Variants in VKORC1L1 observed in about 807,000 individuals in gnomAD.
VKORC1L1 encodes the protein vitamin K epoxide reductase complex subunit 1-like protein 1.
VKORC1L1 carries 2 observed loss-of-function variants against 18.9 expected under a neutral mutation model. The observed-to-expected ratio is 0.11, with a 90% CI of 0.04 to 0.33. The LOEUF is 0.33. Ranked by LOEUF, VKORC1L1 falls within the 10% of genes least tolerant of loss-of-function variation. The pLI is 1.00. For missense variants in VKORC1L1, 123 were observed against 224.1 expected, an observed-to-expected ratio of 0.55 and a Z score of 2.88; for synonymous variants, 96 against 100.0, an observed-to-expected ratio of 0.96 and a Z score of 0.24.
At chr7:65,941,673 G>GTTTTTTTTTTTTTTTTTTTTTTTTTTTT (rs57537567) in intron 1 of VKORC1L1, among the ~76,000 whole-genome samples, 4 of 66,476 alleles carry the variant, frequency 6.0e-5, no homozygotes, top group African/African-American at 1.1e-4. Flanking sequence ...TTTTCTTAAG[G>GTTTTTTTTTTTTTTTTTTTTTTTTTTTT]TTTTTTTTTT....
chr7:65,866,292 A>G, the VKORC1L1 span, among the ~76,000 whole-genome samples: 6 of 152,162 alleles, frequency 3.9e-5, no homozygotes, highest in African/African-American at 1.2e-4. Context: ...GGTGGGGGTT[A>G]TTTATTATGT....
chr7:65,883,571 C>T (rs1248054869), intron 1 of VKORC1L1, among the ~76,000 whole-genome samples: 7 of 152,144 alleles, frequency 4.6e-5, no homozygotes, highest in Non-Finnish European at 7.4e-5. Context: ...GGGTTCTCGG[C>T]TCACTGCAAC....
chr7:65,867,637 A>T, the VKORC1L1 span, among the ~76,000 whole-genome samples: 43 of 152,152 alleles, frequency 2.8e-4, no homozygotes, highest in East Asian at 7.9e-3. Context: ...TGGAACATCA[A>T]AATGTGGCCT....
chr7:65,912,190 G>A (rs2115578011), intron 1 of VKORC1L1, among the ~76,000 whole-genome samples: 1 of 152,276 alleles, frequency 6.6e-6, no homozygotes, highest in Non-Finnish European at 1.5e-5. Context: ...TCAAAAGCTT[G>A]ACAATGCATT....
chr7:65,954,305 C>G lies in VKORC1L1; in HGVS notation c.*5C>G, dbSNP rs767678197. Reference sequence around the variant, plus strand: ...CTGCAACCCAAGCAGGACTGACGCCCGACAGACTCCACCCTAACAGTCTCA... The same window carrying G: ...CTGCAACCCAAGCAGGACTGACGCCGGACAGACTCCACCCTAACAGTCTCA... On this transcript the variant is annotated 3_prime_UTR_variant, in exon 3 of 3. Coordinates refer to ENST00000360768, the MANE Select transcript of VKORC1L1 (RefSeq NM_173517.6). The G allele has an allele frequency of 1.9e-5, 30 of 1,613,786 alleles. No individual in the cohort carries two copies. Among genetic ancestry groups the G allele is most frequent in the Non-Finnish European group, 2.5e-5 (30 of 1,180,022 alleles).
upstream of VKORC1L1, among the ~76,000 whole-genome samples, chr7:65,871,705 A>G (rs1788728654): frequency 1.3e-5 from 2 of 152,180 alleles, no homozygotes. Context: ...GCCAACAGCC[A>G]GAGAGGACCT....
chr7:65,870,190 C>T (rs946707537), upstream of VKORC1L1, among the ~76,000 whole-genome samples: 5 of 148,306 alleles, frequency 3.4e-5, no homozygotes, highest in African/African-American at 5.0e-5. Context: ...AAGGCCAAAG[C>T]GGGTGGATCA....
intron 1 of VKORC1L1, among the ~76,000 whole-genome samples, chr7:65,899,006 T>C (rs1234423852): frequency 2.0e-5 from 3 of 152,230 alleles, no homozygotes; most frequent in Admixed American, 1.3e-4. Context: ...TTACTTTGTT[T>C]ATTATCCATT....
intron 1 of VKORC1L1, among the ~76,000 whole-genome samples, chr7:65,874,591 A>C (rs894764518): frequency 4.6e-5 from 7 of 151,956 alleles, no homozygotes; most frequent in African/African-American, 9.7e-5. Flanking sequence ...GTGGATCATG[A>C]GGTCAGGAGT....
intron 1 of VKORC1L1, among the ~76,000 whole-genome samples, chr7:65,875,088 G>A (rs1174813822): frequency 6.6e-6 from 1 of 152,144 alleles, no homozygotes; most frequent in East Asian, 1.9e-4. Flanking sequence ...TTAGATGCTT[G>A]CCAAAGGAGG....
At chr7:65,901,786 C>G (rs1289414583) in intron 1 of VKORC1L1, among the ~76,000 whole-genome samples, 1 of 152,082 alleles carries the variant, frequency 6.6e-6, no homozygotes, top group Non-Finnish European at 1.5e-5. Context: ...GAGTCCTGAT[C>G]TACAGGTGCA....
At chr7:65,889,718 T>C (rs1307019678) in intron 1 of VKORC1L1, among the ~76,000 whole-genome samples, 1 of 152,208 alleles carries the variant, frequency 6.6e-6, no homozygotes, top group Non-Finnish European at 1.5e-5. Context: ...GTCCTGACTT[T>C]TATGAGAATC....
upstream of VKORC1L1, among the ~76,000 whole-genome samples, chr7:65,872,989 A>ACCCCTGCCCCGCCCC (rs1562976948): frequency 2.6e-4 from 9 of 34,926 alleles, no homozygotes; most frequent in South Asian, 7.3e-4. Flanking sequence ...TGCCCCGCCC[A>ACCCCTGCCCCGCCCC]TCCCCACCCC....
chr7:65,911,795 A>G (rs1302947233), intron 1 of VKORC1L1, among the ~76,000 whole-genome samples: 2 of 152,186 alleles, frequency 1.3e-5, no homozygotes, highest in Non-Finnish European at 2.9e-5. Context: ...ATTCATAACA[A>G]ATAATTCATA....
At chr7:65,932,307 A>C (rs1350939129) in intron 1 of VKORC1L1, among the ~76,000 whole-genome samples, 8 of 152,184 alleles carry the variant, frequency 5.3e-5, no homozygotes, top group African/African-American at 1.9e-4. Flanking sequence ...CATGTTGGCC[A>C]GGCTGGTCTC....
At chr7:65,871,869 G>A (rs1302987573), upstream of VKORC1L1, among the ~76,000 whole-genome samples, 2 of 151,924 alleles carry the variant, frequency 1.3e-5, no homozygotes, top group African/African-American at 4.8e-5. Context: ...CGTGGAAACT[G>A]TGAGGGAAAA....
chr7:65,896,080 T>G (rs1325390356), intron 1 of VKORC1L1, among the ~76,000 whole-genome samples: 1 of 150,190 alleles, frequency 6.7e-6, no homozygotes, highest in African/African-American at 2.4e-5. Context: ...TTTTTTTTTT[T>G]GTAGTAGAGC....
chr7:65,894,192 C>T (rs111727929), intron 1 of VKORC1L1, among the ~76,000 whole-genome samples: 48,654 of 151,496 alleles, frequency 0.32, 8,845 homozygotes, highest in East Asian at 0.46. Flanking sequence ...TGACCTCAGG[C>T]GATCCACCTG....
At chr7:65,927,227 C>T (rs772693582) in intron 1 of VKORC1L1, among the ~76,000 whole-genome samples, 4 of 151,850 alleles carry the variant, frequency 2.6e-5, no homozygotes, top group Non-Finnish European at 5.9e-5. Context: ...ACAAAGGTTG[C>T]AGTGAGCCAA....
Sources: gnomAD v4.1 joint callset for allele counts (sites outside exome capture counted in the v4.1 genomes callset) on GRCh38, gnomAD v4.1.1 for gene constraint, MANE v1.5 for transcripts, NCBI Gene and HGNC (gene_info 2026-07-23, HGNC 2026-07-21) for gene names.